Variants in ADGRL2 observed in about 807,000 individuals in gnomAD.
ADGRL2 encodes the protein calcium-independent alpha-latrotoxin receptor 2.
ADGRL2 carries 44 observed loss-of-function variants against 157.4 expected under a neutral mutation model. The observed-to-expected ratio is 0.28, with a 90% CI of 0.22 to 0.36. The LOEUF (loss-of-function observed/expected upper bound fraction) is 0.36. Among genes scored for constraint, ADGRL2 ranks in the 10% least tolerant of loss-of-function variants. The probability of loss-of-function intolerance (pLI) is 1.00; values close to 1 mark genes in which losing one functional copy is unlikely to be tolerated. For synonymous variants in ADGRL2, 585 were observed against 624.7 expected, an observed-to-expected ratio of 0.94 and a Z score of 0.95; for missense variants, 1,510 against 1,768.9, an observed-to-expected ratio of 0.85 and a Z score of 2.63.
chr1:81,392,509 A>G (rs1478438380), intron 1 of ADGRL2, among the ~76,000 whole-genome samples: 1 of 152,162 alleles, frequency 6.6e-6, no homozygotes, highest in Non-Finnish European at 1.5e-5. Context: ...AAAAAAAATT[A>G]TCTATATTAG....
chr1:81,689,249 G>C (rs140571077), intron 3 of ADGRL2, among the ~76,000 whole-genome samples: 1 of 152,246 alleles, frequency 6.6e-6, no homozygotes, highest in East Asian at 1.9e-4. Flanking sequence ...CTTTCCCTAG[G>C]ATATCGTAAA....
chr1:81,577,506 A>G (rs1470347093), intron 2 of ADGRL2, among the ~76,000 whole-genome samples: 2 of 152,194 alleles, frequency 1.3e-5, no homozygotes, highest in African/African-American at 4.8e-5. Context: ...CATATCAACC[A>G]GACTCAGCTC....
intron 17 of ADGRL2, among the ~76,000 whole-genome samples, chr1:81,973,821 T>C (rs921058175): frequency 6.6e-6 from 1 of 152,196 alleles, no homozygotes; most frequent in African/African-American, 2.4e-5. Flanking sequence ...TGCTTTGCTT[T>C]CTAATTTTCC....
At chr1:81,526,384 T>A (rs528587114) in intron 2 of ADGRL2, among the ~76,000 whole-genome samples, 29 of 152,334 alleles carry the variant, frequency 1.9e-4, no homozygotes, top group African/African-American at 6.7e-4. Flanking sequence ...TTACCCTCCT[T>A]TCACTTGAAA....
intron 2 of ADGRL2, among the ~76,000 whole-genome samples, chr1:81,458,829 G>T (rs948271178): frequency 6.6e-6 from 1 of 152,180 alleles, no homozygotes; most frequent in Non-Finnish European, 1.5e-5. Flanking sequence ...CATTCCTCCT[G>T]ACTGCAGCTC....
At chr1:81,361,486 C>A (rs1417504638) in intron 1 of ADGRL2, among the ~76,000 whole-genome samples, 1 of 151,782 alleles carries the variant, frequency 6.6e-6, no homozygotes, top group Non-Finnish European at 1.5e-5. Context: ...GTGGTCAAAG[C>A]CTTGAGGAAG....
intron 1 of ADGRL2, among the ~76,000 whole-genome samples, chr1:81,742,481 G>C (rs891181722): frequency 2.0e-5 from 3 of 152,036 alleles, no homozygotes; most frequent in Non-Finnish European, 4.4e-5. Flanking sequence ...GATTTTGAGA[G>C]TGATGACATT....
intron 2 of ADGRL2, among the ~76,000 whole-genome samples, chr1:81,764,984 T>A (rs747242947): frequency 1.8e-4 from 27 of 152,070 alleles, no homozygotes; most frequent in Non-Finnish European, 3.1e-4. Flanking sequence ...TGAAAGTCTT[T>A]TCCAAATTGT....
chr1:81,349,012 C>T (rs1172799971), intron 1 of ADGRL2, among the ~76,000 whole-genome samples: 2 of 152,190 alleles, frequency 1.3e-5, no homozygotes, highest in Non-Finnish European at 2.9e-5. Flanking sequence ...CCAAGAGATT[C>T]AGTCACACTG....
intron 2 of ADGRL2, among the ~76,000 whole-genome samples, chr1:81,512,350 G>T (rs1226757226): frequency 6.6e-6 from 1 of 152,188 alleles, no homozygotes; most frequent in Non-Finnish European, 1.5e-5. Flanking sequence ...CAAAATCAGA[G>T]CTGTGTCGGA....
At chr1:81,690,637 G>A (rs572753158) in intron 3 of ADGRL2, among the ~76,000 whole-genome samples, 4 of 152,206 alleles carry the variant, frequency 2.6e-5, no homozygotes, top group South Asian at 2.1e-4. Flanking sequence ...AAAGGGCTCA[G>A]TGTTTTAATA....
chr1:81,694,078 A>G lies in ADGRL2; in HGVS notation c.-142-67733A>G, dbSNP rs535613587. ...ACCAGTTAGCTGAGTCCTAAGGGAC[A>G]TAAGCATATTTTGTACTCACTTTGA... On this transcript the variant is annotated intron_variant, in intron 3 of 24. Coordinates refer to the ADGRL2 transcript ENST00000370721. 1.4e-4 allele frequency among the ~76,000 whole-genome samples: 22 copies of G among 152,374 alleles called. 1 individual carries two copies. In the South Asian group the frequency reaches 4.6e-3, roughly 32 times the overall value.
chr1:81,817,039 A>G (rs765541650), intron 1 of ADGRL2, among the ~76,000 whole-genome samples: 1 of 151,202 alleles, frequency 6.6e-6, no homozygotes, highest in Admixed American at 6.6e-5. Flanking sequence ...TAGTGTACCC[A>G]TCATCCACAT....
At chr1:81,392,720 C>T (rs12093293) in intron 1 of ADGRL2, among the ~76,000 whole-genome samples, 3 of 151,928 alleles carry the variant, frequency 2.0e-5, no homozygotes, top group Non-Finnish European at 4.4e-5. Context: ...AAATAGAGTG[C>T]CAACTGGCAA....
At chr1:81,923,719 G>A (rs1344537990) in intron 3 of ADGRL2, among the ~76,000 whole-genome samples, 1 of 152,016 alleles carries the variant, frequency 6.6e-6, no homozygotes, top group Non-Finnish European at 1.5e-5. Context: ...AACTTAGAAG[G>A]TATTTAAATT....
intron 1 of ADGRL2, among the ~76,000 whole-genome samples, chr1:81,744,396 T>A (rs1448344490): frequency 1.3e-5 from 2 of 152,140 alleles, no homozygotes; most frequent in Non-Finnish European, 2.9e-5. Context: ...GTCACACAGA[T>A]AGTTGAGTGA....
intron 1 of ADGRL2, among the ~76,000 whole-genome samples, chr1:81,343,057 CTCTTTTTTTCTTT>C (rs1395016707): frequency 1.3e-5 from 2 of 149,498 alleles, no homozygotes; most frequent in South Asian, 2.1e-4. Flanking sequence ...AACAATCTTT[CTCTTTTTTTCTTT>C]TCTTTTTTTC....
chr1:81,908,172 C>T (rs1445503200), intron 3 of ADGRL2, among the ~76,000 whole-genome samples: 2 of 152,124 alleles, frequency 1.3e-5, no homozygotes, highest in African/African-American at 2.4e-5. Context: ...GTGTAGTAGG[C>T]TATACTATCT....
intron 1 of ADGRL2, among the ~76,000 whole-genome samples, chr1:81,325,884 T>A (rs553573070): frequency 7.2e-5 from 11 of 152,086 alleles, no homozygotes; most frequent in African/African-American, 2.4e-4. Flanking sequence ...CCATGGAGGA[T>A]GAGAAATGGT....
Sources: allele counts gnomAD v4.1 joint callset (sites outside exome capture counted in the v4.1 genomes callset), GRCh38; gene constraint gnomAD v4.1.1; transcripts MANE v1.5; gene names NCBI Gene and HGNC (gene_info 2026-07-23, HGNC 2026-07-21).